The following AFF4 variants were observed in gnomAD, a reference collection of about 807,000 sequenced individuals.
AFF4 encodes AF4/FMR2 family member 4.
Under a neutral mutation model 124.8 loss-of-function variants are expected in AFF4, and 13 were observed. The observed-to-expected ratio is 0.10, with a 90% CI of 0.07 to 0.17. The LOEUF is 0.17. Among genes scored for constraint, AFF4 ranks in the 10% least tolerant of loss-of-function variants. The pLI, the probability that AFF4 is intolerant of heterozygous loss-of-function variation, is 1.00. For missense variants in AFF4, 1,092 were observed against 1,403.8 expected, an observed-to-expected ratio of 0.78 and a Z score of 3.55; for synonymous variants, 477 against 496.1, an observed-to-expected ratio of 0.96 and a Z score of 0.51.
chr5:132,948,698 C>T (rs370590869), intron 1 of AFF4: 3 of 200,952 alleles, frequency 1.5e-5, no homozygotes, highest in Non-Finnish European at 3.3e-5. Flanking sequence ...CACCTGGTAT[C>T]TGAAGCATCA....
At chr5:132,911,392 A>G (rs1034622145) in intron 5 of AFF4, among the ~76,000 whole-genome samples, 4 of 152,162 alleles carry the variant, frequency 2.6e-5, no homozygotes, top group East Asian at 1.9e-4. Flanking sequence ...TAATTAATAA[A>G]TATATAAGCA....
intron 5 of AFF4, among the ~76,000 whole-genome samples, chr5:132,916,344 C>T (rs1283031236): frequency 1.3e-5 from 2 of 150,018 alleles, no homozygotes; most frequent in Non-Finnish European, 3.0e-5. Flanking sequence ...AGGAGGATTG[C>T]TTTAGCCCAG....
Position 132,934,300 on chromosome 5 carries a change from G to T in AFF4, c.765C>A (p.Ala255=), listed in dbSNP as rs1258440465. 7.4e-6 allele frequency: 12 copies of T among 1,614,062 alleles called. No homozygotes were observed. The highest frequency in any genetic ancestry group is 1.0e-5 in the Non-Finnish European group (12 of 1,180,044). ...CCTGTCCGTCCATGGGCCGCACATA[G>T]GCAGTGGGTTTCTGTAACATTGAAT... The part of the protein sequence containing the change: ...KSNSMLQKPT[A]YVRPMDGQES... Residue 255 remains alanine (A), a synonymous_variant, in exon 3 of 21, where the codon GCC becomes GCA. Transcript: ENST00000265343.
intron 5 of AFF4, among the ~76,000 whole-genome samples, chr5:132,914,151 C>T (rs553328125): frequency 2.6e-5 from 4 of 151,922 alleles, no homozygotes; most frequent in East Asian, 1.9e-4. Flanking sequence ...TCCTTTGAAC[C>T]GGTGAGGTGG....
intron 7 of AFF4, among the ~76,000 whole-genome samples, chr5:132,902,033 C>T (rs574973158): frequency 2.6e-5 from 4 of 152,072 alleles, no homozygotes; most frequent in African/African-American, 9.6e-5. Flanking sequence ...CATGCTCATG[C>T]CTTAAATATT....
At chr5:132,950,459 G>A (rs1761815788) in intron 1 of AFF4, among the ~76,000 whole-genome samples, 1 of 151,532 alleles carries the variant, frequency 6.6e-6, no homozygotes, top group South Asian at 2.1e-4. Flanking sequence ...GGCAATAAGA[G>A]CGAAACTCCA....
chr5:132,941,043 G>A (rs1761557270), intron 1 of AFF4, among the ~76,000 whole-genome samples: 1 of 150,784 alleles, frequency 6.6e-6, no homozygotes, highest in African/African-American at 2.4e-5. Flanking sequence ...AAAAAAGAAA[G>A]AAAAGAAAAA....
chr5:132,886,513 GGC>G lies in AFF4; in HGVS notation c.3006-112_3006-111del, dbSNP rs548332822. On this transcript the variant is annotated intron_variant, in intron 17 of 20. Coordinates refer to ENST00000265343, the MANE Select transcript of AFF4 (RefSeq NM_014423.4). The stretch of plus-strand genomic sequence containing the variant: ...GACTGGCTCATGTGACCATGGCATA[GGC>G]CACAACATTAACCGTTAGGCAAAAC... 7.9e-4 allele frequency: 728 copies of G among 916,990 alleles called. 5 individuals are homozygous for G. In the Middle Eastern group the frequency reaches 8.7e-3, roughly 11 times the overall value. The allele number at this position is 916,990 out of a possible 1,614,324, so 56.8% of individuals were successfully genotyped here.
chr5:132,924,567 T>C (rs2150091381), intron 5 of AFF4, among the ~76,000 whole-genome samples: 1 of 152,090 alleles, frequency 6.6e-6, no homozygotes, highest in South Asian at 2.1e-4. Flanking sequence ...AAACTCAAAC[T>C]GCAGGCTGGG....
intron 1 of AFF4, among the ~76,000 whole-genome samples, chr5:132,959,594 G>A (rs1581343843): frequency 6.6e-6 from 1 of 151,942 alleles, no homozygotes; most frequent in Admixed American, 6.6e-5. Context: ...TTCAAGATAT[G>A]ATACCAGCGA....
At chr5:132,916,922 T>G (rs1408504110) in intron 5 of AFF4, among the ~76,000 whole-genome samples, 1 of 152,082 alleles carries the variant, frequency 6.6e-6, no homozygotes, top group Non-Finnish European at 1.5e-5. Context: ...CGTTTTTTGT[T>G]TTTTTTTGTT....
chr5:132,932,158 A>AC lies in AFF4; in HGVS notation c.963+19_963+20insG, dbSNP rs1761314743. 6.4e-7 allele frequency: 1 copy of AC among 1,556,136 alleles called. No individual in the cohort carries two copies. The highest frequency in any genetic ancestry group is 8.7e-7 in the Non-Finnish European group (1 of 1,146,676). ...ATAAAAAATTAAAGAAATTGAAATGATTTTTTTTAAAAAACTTACTTTTAG... is the reference window on the plus strand; with the variant it reads ...ATAAAAAATTAAAGAAATTGAAATGACTTTTTTTTAAAAAACTTACTTTTAG... On this transcript the variant is annotated intron_variant, in intron 4 of 20. Transcript: ENST00000265343.
At position 132,880,225 on chromosome 5, in the gene AFF4, G is replaced by A. The variant is rs138401696; in HGVS notation, c.*834C>T. On this transcript the variant is annotated 3_prime_UTR_variant, in exon 21 of 21. Transcript: ENST00000265343. ...ATAACATATGGTTTTAATAAAATCCGTAACGTTCAGGATTGTCCTTTTATG... is the reference window on the plus strand; with the variant it reads ...ATAACATATGGTTTTAATAAAATCCATAACGTTCAGGATTGTCCTTTTATG... 210 of 398,916 alleles carry A rather than the reference G, an allele frequency of 5.3e-4. 1 individual carries two copies. The highest frequency in any genetic ancestry group is 2.9e-3 in the African/African-American group (140 of 48,724). 24.7% of individuals were successfully genotyped at this position (398,916 alleles called of 1,614,324 possible). A position where few individuals can be genotyped will look rare whatever the true frequency, so the allele number is the denominator to read the frequency against.
chr5:132,956,729 A>G (rs1761968325), intron 1 of AFF4, among the ~76,000 whole-genome samples: 1 of 151,940 alleles, frequency 6.6e-6, no homozygotes, highest in African/African-American at 2.4e-5. Context: ...CCATTTAAAA[A>G]TGTAAACATG....
chr5:132,893,870 A>T (rs1301903607), intron 11 of AFF4, among the ~76,000 whole-genome samples: 1 of 152,202 alleles, frequency 6.6e-6, no homozygotes, highest in Non-Finnish European at 1.5e-5. Flanking sequence ...GACACTGGCA[A>T]TCACATTTCA....
In AFF4 at chr5:132,919,225, A is replaced by C. The variant is rs1238067901; in HGVS notation, c.1050+7896T>G. Reference sequence around the variant, plus strand: ...AAATGCAAAGAGCCTAGAAAAGTCAAATCTACTTTGAAAAACACTAATATA... The same window carrying C: ...AAATGCAAAGAGCCTAGAAAAGTCACATCTACTTTGAAAAACACTAATATA... On this transcript the variant is annotated intron_variant, in intron 5 of 20. Coordinates refer to ENST00000265343, the MANE Select transcript of AFF4 (RefSeq NM_014423.4). Among the ~76,000 whole-genome samples the C allele has an allele frequency of 2.0e-5, 3 of 152,280 alleles. No homozygotes were observed. The East Asian group carries it at 5.8e-4, about 29-fold the overall frequency.
chr5:132,881,827 G>GTTTTTTTTT (rs749611038), intron 20 of AFF4, among the ~76,000 whole-genome samples: 1 of 130,190 alleles, frequency 7.7e-6, no homozygotes, highest in Non-Finnish European at 1.7e-5. Flanking sequence ...ATACAAAAAA[G>GTTTTTTTTT]TTTTTTTTTT....
At chr5:132,908,836 T>C (rs1038211275) in intron 5 of AFF4, among the ~76,000 whole-genome samples, 1 of 149,172 alleles carries the variant, frequency 6.7e-6, no homozygotes, top group African/African-American at 2.5e-5. Flanking sequence ...AGTGGTGTGA[T>C]TTCGGCTCTC....
chr5:132,926,218 TAGGAA>T (rs1297668842), intron 5 of AFF4: 1 of 487,546 alleles, frequency 2.1e-6, no homozygotes, highest in Non-Finnish European at 4.1e-6. Flanking sequence ...CAAAGGTACT[TAGGAA>T]AGGAGCTCTG....
Sources: gnomAD v4.1 joint callset for allele counts (sites outside exome capture counted in the v4.1 genomes callset) on GRCh38, gnomAD v4.1.1 for gene constraint, MANE v1.5 for transcripts, NCBI Gene and HGNC (gene_info 2026-07-23, HGNC 2026-07-21) for gene names.